PLCL1: variants seen among roughly 807,000 people sequenced by gnomAD.
PLCL1 encodes the protein inactive phospholipase C-like protein 1.
In PLCL1, 41 loss-of-function variants were observed where a neutral mutation model predicts 84.4. The ratio of observed to expected loss-of-function variants is 0.49; its 90% CI spans 0.38 to 0.63. The LOEUF is 0.63. PLCL1 is among the 30% of genes least tolerant of loss of function. The pLI is 0.00. For synonymous variants in PLCL1, 490 were observed against 488.3 expected (o/e 1.00, Z -0.05); for missense variants, 1,206 against 1,367.8 (o/e 0.88, Z 1.87).
intron 5 of PLCL1, among the ~76,000 whole-genome samples, chr2:198,112,011 T>A (rs1245344319): frequency 2.6e-5 from 4 of 151,884 alleles, no homozygotes; most frequent in Non-Finnish European, 4.4e-5. Context: ...GAGTGTATCT[T>A]GAGAATAATT....
chr2:198,117,724 T>C (rs546352566), intron 5 of PLCL1, among the ~76,000 whole-genome samples: 1 of 152,018 alleles, frequency 6.6e-6, no homozygotes, highest in South Asian at 2.1e-4. Flanking sequence ...TAAAGTCTTG[T>C]ATAGGAAAAG....
chr2:198,118,226 A>G (rs1026365217), intron 5 of PLCL1, among the ~76,000 whole-genome samples: 1 of 151,962 alleles, frequency 6.6e-6, no homozygotes, highest in African/African-American at 2.4e-5. Flanking sequence ...ATTCTGAAAA[A>G]TATAGTCTTT....
intron 5 of PLCL1, among the ~76,000 whole-genome samples, chr2:198,115,614 G>C (rs1440339625): frequency 6.6e-6 from 1 of 151,872 alleles, no homozygotes; most frequent in Non-Finnish European, 1.5e-5. Flanking sequence ...ATAAAAGAAA[G>C]AGGTTTAATG....
intron 1 of PLCL1, among the ~76,000 whole-genome samples, chr2:197,983,282 T>C (rs1574983112): frequency 7.6e-6 from 1 of 132,220 alleles, no homozygotes; most frequent in South Asian, 2.6e-4. Flanking sequence ...CAGGCTGGAG[T>C]GCAGTGGCAC....
At chr2:197,905,187 T>C (rs1439283074) in intron 1 of PLCL1, among the ~76,000 whole-genome samples, 1 of 152,170 alleles carries the variant, frequency 6.6e-6, no homozygotes, top group African/African-American at 2.4e-5. Context: ...CATCAACCCG[T>C]CATCCAGGTT....
intron 1 of PLCL1, among the ~76,000 whole-genome samples, chr2:197,906,979 T>G (rs1688396351): frequency 6.6e-6 from 1 of 152,164 alleles, no homozygotes; most frequent in Admixed American, 6.5e-5. Flanking sequence ...ATGCTGGGGT[T>G]TTCTAAATAT....
At chr2:198,063,364 A>G (rs1692249235) in intron 1 of PLCL1, among the ~76,000 whole-genome samples, 7 of 152,170 alleles carry the variant, frequency 4.6e-5, no homozygotes, top group Admixed American at 3.9e-4. Flanking sequence ...TGGTCTGCAC[A>G]GTAATAACTG....
intron 1 of PLCL1, among the ~76,000 whole-genome samples, chr2:197,828,042 G>A (rs1690970445): frequency 6.6e-6 from 1 of 152,042 alleles, no homozygotes; most frequent in South Asian, 2.1e-4. Context: ...GATAACTTGA[G>A]ATTGAATCAT....
At chr2:197,838,842 G>T (rs747571047) in intron 1 of PLCL1, among the ~76,000 whole-genome samples, 3 of 152,106 alleles carry the variant, frequency 2.0e-5, no homozygotes, top group Non-Finnish European at 4.4e-5. Context: ...TAGAATCAGT[G>T]GTTCAGTTGT....
intron 1 of PLCL1, among the ~76,000 whole-genome samples, chr2:197,813,079 G>C (rs913781494): frequency 6.6e-6 from 1 of 152,190 alleles, no homozygotes; most frequent in African/African-American, 2.4e-5. Flanking sequence ...CAGAGACATG[G>C]TCAGCAGGGG....
chr2:198,112,727 G>A (rs890296266), intron 5 of PLCL1, among the ~76,000 whole-genome samples: 9 of 151,782 alleles, frequency 5.9e-5, no homozygotes, highest in East Asian at 1.9e-4. Context: ...AAACAGTTAC[G>A]GTTAACAGTC....
At chr2:197,824,731 A>AC (rs1690892899) in intron 1 of PLCL1, among the ~76,000 whole-genome samples, 1 of 151,756 alleles carries the variant, frequency 6.6e-6, no homozygotes, top group Non-Finnish European at 1.5e-5. Context: ...AAAAAAAAAA[A>AC]AAAACATGTC....
chr2:197,952,331 A>G (rs1574965688), intron 1 of PLCL1, among the ~76,000 whole-genome samples: 1 of 152,204 alleles, frequency 6.6e-6, no homozygotes, highest in South Asian at 2.1e-4. Flanking sequence ...TAGTTCAAGA[A>G]TGTGATAACC....
intron 1 of PLCL1, among the ~76,000 whole-genome samples, chr2:198,009,633 G>A (rs964488383): frequency 1.3e-5 from 2 of 151,900 alleles, no homozygotes; most frequent in African/African-American, 4.8e-5. Flanking sequence ...CTCTGACTTT[G>A]TTCTTTTTCA....
chr2:197,846,312 A>T (rs1687120057), intron 1 of PLCL1, among the ~76,000 whole-genome samples: 1 of 152,116 alleles, frequency 6.6e-6, no homozygotes, highest in South Asian at 2.1e-4. Flanking sequence ...AGATTTGGAG[A>T]TGATTCATAT....
Position 198,058,977 on chromosome 2 carries a change from C to A in PLCL1, c.241-24781C>A, listed in dbSNP as rs544256264. Among the ~76,000 whole-genome samples the A allele has an allele frequency of 5.3e-5, 8 of 152,310 alleles. No individual in the cohort carries two copies. The South Asian group carries it at 1.7e-3, about 32-fold the overall frequency. On this transcript the variant is annotated intron_variant, in intron 1 of 5. Transcript: ENST00000428675. ...TAACCTAAGAGAATCCTGAGTACAT[C>A]TTACTGTGGGTGTCATTGATATATA...
intron 1 of PLCL1, among the ~76,000 whole-genome samples, chr2:197,870,021 T>TA (rs1687621013): frequency 6.6e-6 from 1 of 152,010 alleles, no homozygotes; most frequent in South Asian, 2.1e-4. Flanking sequence ...ACAGGAAGGG[T>TA]AATAAAGATT....
intron 1 of PLCL1, chr2:198,071,047 A>G: frequency 1.2e-6 from 1 of 866,944 alleles, no homozygotes; most frequent in Non-Finnish European, 1.4e-6. Context: ...TAAGCTCTCA[A>G]GCTCTCATAT....
chr2:197,922,785 C>G (rs1688734286), intron 1 of PLCL1, among the ~76,000 whole-genome samples: 2 of 127,596 alleles, frequency 1.6e-5, no homozygotes, highest in African/African-American at 2.8e-5. Context: ...GGCTGACCCC[C>G]CCACCTCCCT....
Sources: gnomAD v4.1 joint callset for allele counts (sites outside exome capture counted in the v4.1 genomes callset) on GRCh38, gnomAD v4.1.1 for gene constraint, MANE v1.5 for transcripts, NCBI Gene and HGNC (gene_info 2026-07-23, HGNC 2026-07-21) for gene names.